Variants in PDE11A observed in about 807,000 individuals in gnomAD.
The protein encoded by PDE11A is dual 3',5'-cyclic-AMP and -GMP phosphodiesterase 11A.
PDE11A carries 100 observed loss-of-function variants against 100.5 expected under a neutral mutation model. The observed-to-expected ratio is 1.00, with a 90% CI of 0.85 to 1.18. The LOEUF (loss-of-function observed/expected upper bound fraction) is 1.18, where lower values mean the gene tolerates loss of function less well. Among genes scored for constraint, PDE11A ranks in the 50% most tolerant of loss-of-function variants. The pLI is 0.00. For missense variants in PDE11A, 1,141 were observed against 1,152.6 expected (o/e 0.99, Z 0.15); for synonymous variants, 381 against 420.8 (o/e 0.91, Z 1.16).
At chr2:177,965,711 T>C (rs2105792881) in intron 2 of PDE11A, among the ~76,000 whole-genome samples, 3 of 152,282 alleles carry the variant, frequency 2.0e-5, no homozygotes, top group African/African-American at 7.2e-5. Context: ...CCTGTTCCAT[T>C]GGTTTATTTG....
intron 2 of PDE11A, among the ~76,000 whole-genome samples, chr2:177,909,093 C>A (rs1366695187): frequency 2.0e-5 from 3 of 152,162 alleles, no homozygotes; most frequent in African/African-American, 7.2e-5. Context: ...TTTTACACAT[C>A]TAGCAAATGT....
chr2:177,859,638 G>A (rs577989270), intron 5 of PDE11A, among the ~76,000 whole-genome samples: 1 of 151,762 alleles, frequency 6.6e-6, no homozygotes, highest in African/African-American at 2.4e-5. Context: ...GACATCTATA[G>A]AGCACTCCAC....
In PDE11A at chr2:177,625,559, A is replaced by T. The variant is rs1233419700; in HGVS notation, c.*3848T>A. ...GAATAAATATGTCTGAAAAAAATAC[A>T]TCTCATCGAAAAAGTAGGATGAAGT... On this transcript the variant is annotated 3_prime_UTR_variant, in exon 20 of 20. Coordinates refer to ENST00000286063, the MANE Select transcript of PDE11A (RefSeq NM_016953.4). 6.6e-6 allele frequency: 1 copy of T among 152,226 alleles called. No homozygotes were observed. The highest frequency in any genetic ancestry group is 2.1e-4 in the South Asian group (1 of 4,828). 9.4% of individuals were successfully genotyped at this position (152,226 alleles called of 1,614,324 possible). A position where few individuals can be genotyped will look rare whatever the true frequency, so the allele number is the denominator to read the frequency against.
chr2:178,068,361 A>G (rs1451757895), intron 1 of PDE11A, among the ~76,000 whole-genome samples: 1 of 152,108 alleles, frequency 6.6e-6, no homozygotes, highest in African/African-American at 2.4e-5. Flanking sequence ...CTTCTATTCA[A>G]TTTTAGCATT....
chr2:177,802,990 C>T (rs2082815069), intron 9 of PDE11A, among the ~76,000 whole-genome samples: 1 of 151,642 alleles, frequency 6.6e-6, no homozygotes, highest in African/African-American at 2.4e-5. Context: ...GTGCATACTC[C>T]AATTCTTTTT....
chr2:177,930,591 C>A (rs1313014737), intron 2 of PDE11A, among the ~76,000 whole-genome samples: 1 of 152,146 alleles, frequency 6.6e-6, no homozygotes, highest in Non-Finnish European at 1.5e-5. Context: ...CCTCCATGGC[C>A]CAAGCCTCTT....
At chr2:177,658,590 A>G (rs996164884) in intron 19 of PDE11A, among the ~76,000 whole-genome samples, 1 of 150,536 alleles carries the variant, frequency 6.6e-6, no homozygotes, top group African/African-American at 2.5e-5. Context: ...GTATGATGCC[A>G]TTCCATATAT....
intron 5 of PDE11A, among the ~76,000 whole-genome samples, chr2:177,867,995 C>T (rs777006721): frequency 5.3e-5 from 8 of 152,138 alleles, no homozygotes; most frequent in Non-Finnish European, 1.2e-4. Context: ...GTCAATTCTC[C>T]TTAAAAGAAT....
At chr2:177,637,529 C>A (rs141140554) in intron 19 of PDE11A, among the ~76,000 whole-genome samples, 1 of 151,982 alleles carries the variant, frequency 6.6e-6, no homozygotes, top group Non-Finnish European at 1.5e-5. Flanking sequence ...TCTCTTTGTA[C>A]TTGTCTTTTT....
At chr2:177,632,090 G>A (rs1190624123) in intron 19 of PDE11A, among the ~76,000 whole-genome samples, 1 of 152,166 alleles carries the variant, frequency 6.6e-6, no homozygotes, top group Non-Finnish European at 1.5e-5. Context: ...GTAAAAGTCA[G>A]GGATAGGACA....
chr2:178,050,231 G>A (rs1358583488), intron 1 of PDE11A, among the ~76,000 whole-genome samples: 1 of 152,210 alleles, frequency 6.6e-6, no homozygotes, highest in Non-Finnish European at 1.5e-5. Context: ...TGATACCCAG[G>A]CAAACAGGGT....
At chr2:178,038,041 A>T (rs2086638775) in intron 1 of PDE11A, among the ~76,000 whole-genome samples, 1 of 152,082 alleles carries the variant, frequency 6.6e-6, no homozygotes, top group African/African-American at 2.4e-5. Flanking sequence ...AGTATAATAA[A>T]AAAAAAATTG....
In PDE11A at chr2:177,726,779, T is replaced by C. The variant is rs556342551; in HGVS notation, c.2043+879A>G. ...AAATTTTAGTCTGGGTGCAAAAATA[T>C]AAGGTATTTATTTTATGTTGGAAGA... On this transcript the variant is annotated intron_variant, in intron 12 of 19. Coordinates refer to ENST00000286063, the MANE Select transcript of PDE11A (RefSeq NM_016953.4). Among the ~76,000 whole-genome samples the C allele has an allele frequency of 1.6e-4, 24 of 151,664 alleles. No homozygotes were observed. In the East Asian group the frequency reaches 4.5e-3, roughly 28 times the overall value.
At chr2:178,014,598 C>T (rs2086311744) in intron 1 of PDE11A, 138 bp from the exon 2 acceptor site, 1 of 701,508 alleles carries the variant, frequency 1.4e-6, no homozygotes, top group South Asian at 1.6e-5. Flanking sequence ...ACAGATTTGA[C>T]TTCATTTTTA....
rs553188326 is a variant in PDE11A at position 177,945,215 on chromosome 2, A to C, written c.1072-40028T>G. Among the ~76,000 whole-genome samples the C allele has an allele frequency of 3.3e-5, 5 of 151,522 alleles. No individual in the cohort carries two copies. The South Asian group carries it at 1.1e-3, about 32-fold the overall frequency. On this transcript the variant is annotated intron_variant, in intron 2 of 19. Transcript: ENST00000286063. ...CCTGCCTTGGCCTCCCAGAGTGCTG[A>C]GATTGCAGCCTCTGCCCGGCCGCCA...
At chr2:177,772,659 C>A (rs2082326009) in intron 9 of PDE11A, among the ~76,000 whole-genome samples, 1 of 151,360 alleles carries the variant, frequency 6.6e-6, no homozygotes, top group South Asian at 2.1e-4. Context: ...ATCTATGCCA[C>A]CAGGTGGTGC....
At chr2:177,872,140 C>T (rs993152784) in intron 5 of PDE11A, among the ~76,000 whole-genome samples, 2 of 152,056 alleles carry the variant, frequency 1.3e-5, no homozygotes, top group African/African-American at 4.8e-5. Context: ...TCTCTGTAGC[C>T]CTATCACCTA....
chr2:177,885,201 A>AGTGTGTGT (rs5836630), intron 4 of PDE11A, among the ~76,000 whole-genome samples: 2,006 of 149,386 alleles, frequency 0.013, 24 homozygotes, highest in East Asian at 0.071. Flanking sequence ...TAATGATGTG[A>AGTGTGTGT]GTGTGTGTGT....
At chr2:177,635,297 G>C (rs1351077382) in intron 19 of PDE11A, among the ~76,000 whole-genome samples, 2 of 152,148 alleles carry the variant, frequency 1.3e-5, no homozygotes, top group Non-Finnish European at 2.9e-5. Context: ...GTGTAGGTTA[G>C]AGTTGATGCT....
Sources: allele counts gnomAD v4.1 joint callset (sites outside exome capture counted in the v4.1 genomes callset), GRCh38; gene constraint gnomAD v4.1.1; transcripts MANE v1.5; gene names NCBI Gene and HGNC (gene_info 2026-07-23, HGNC 2026-07-21).